PLCB1: variants seen among roughly 807,000 people sequenced by gnomAD.
PLCB1 encodes phospholipase C beta 1.
In PLCB1, 46 loss-of-function variants were observed where a neutral mutation model predicts 161.8. The observed-to-expected ratio is 0.28, with a 90% CI of 0.22 to 0.36. The LOEUF (loss-of-function observed/expected upper bound fraction) is 0.36, where lower values mean the gene tolerates loss of function less well. Among genes scored for constraint, PLCB1 ranks in the 10% least tolerant of loss-of-function variants. The probability of loss-of-function intolerance (pLI) is 1.00; values close to 1 mark genes in which losing one functional copy is unlikely to be tolerated. For missense variants in PLCB1, 1,016 were observed against 1,472.5 expected, an observed-to-expected ratio of 0.69 and a Z score of 5.07; for synonymous variants, 517 against 503.7, an observed-to-expected ratio of 1.03 and a Z score of -0.35.
chr20:8,612,063 C>G (rs886401284), intron 3 of PLCB1, among the ~76,000 whole-genome samples: 8 of 152,138 alleles, frequency 5.3e-5, no homozygotes, highest in Admixed American at 1.3e-4. Flanking sequence ...TGGCCTTTCT[C>G]TGTGCTCCAA....
At chr20:8,684,834 G>C (rs1990318586) in intron 9 of PLCB1, 98 bp from the exon 10 acceptor site, 2 of 813,486 alleles carry the variant, frequency 2.5e-6, no homozygotes, top group Non-Finnish European at 4.0e-6. Flanking sequence ...CTTCTACCTT[G>C]GACACTACAA....
At chr20:8,613,250 A>G (rs1188117038) in intron 3 of PLCB1, among the ~76,000 whole-genome samples, 3 of 152,252 alleles carry the variant, frequency 2.0e-5, no homozygotes, top group Admixed American at 2.0e-4. Flanking sequence ...AACAGCAATC[A>G]TATAAAATGA....
rs2123465664 is a variant in PLCB1, at chr20:8,716,298, C to T, written c.1285C>T (p.Arg429Ter). 1.9e-6 allele frequency: 3 copies of T among 1,614,022 alleles called. No homozygotes were observed. The highest frequency in any genetic ancestry group is 1.7e-6 in the Non-Finnish European group (2 of 1,179,940). The stretch of plus-strand genomic sequence containing the variant: ...GCAAGCCAAGATGGCGGAGTACTGC[C>T]GACTGATCTTTGGGGATGCCCTTCT... ...KQQAKMAEYC[R>*]LIFGDALLME... Residue 429 changes from arginine (R) to a stop codon, truncating the protein, a stop_gained, in exon 13 of 32, where the codon CGA becomes TGA. Coordinates refer to ENST00000338037, the MANE Select transcript of PLCB1 (RefSeq NM_015192.4). LOFTEE classifies it high-confidence loss of function.
intron 27 of PLCB1, among the ~76,000 whole-genome samples, chr20:8,781,145 A>G (rs1450189185): frequency 2.6e-5 from 4 of 152,108 alleles, no homozygotes; most frequent in African/African-American, 7.2e-5. Context: ...GCCAGGAGTA[A>G]TTGCAGTCTC....
chr20:8,308,616 A>G (rs955014868), intron 2 of PLCB1, among the ~76,000 whole-genome samples: 3 of 122,356 alleles, frequency 2.5e-5, no homozygotes, highest in African/African-American at 1.1e-4. Flanking sequence ...GATTCCGTAT[A>G]TCAAAAAAAA....
At chr20:8,505,693 T>A (rs1983609637) in intron 3 of PLCB1, among the ~76,000 whole-genome samples, 1 of 152,200 alleles carries the variant, frequency 6.6e-6, no homozygotes. Flanking sequence ...TTAACTCTTC[T>A]CCAACAGGCC....
intron 3 of PLCB1, among the ~76,000 whole-genome samples, chr20:8,561,397 C>T (rs1365313138): frequency 6.6e-6 from 1 of 151,836 alleles, no homozygotes; most frequent in Non-Finnish European, 1.5e-5. Flanking sequence ...TTTATCTGTT[C>T]TAAGATAGTC....
At chr20:8,412,087 A>C (rs1036082498) in intron 3 of PLCB1, among the ~76,000 whole-genome samples, 1 of 152,180 alleles carries the variant, frequency 6.6e-6, no homozygotes, top group Non-Finnish European at 1.5e-5. Context: ...ATAAATAATA[A>C]AATTATGGAT....
At position 8,409,575 on chromosome 20, in the gene PLCB1, T is replaced by G. The variant is rs955615458; in HGVS notation, c.246+38125T>G. On this transcript the variant is annotated intron_variant, in intron 3 of 31. Transcript: ENST00000338037. ...CCTCCCAGGTTCAAGTAATTCTCCT[T>G]CCTCAGCCTCCCAACTAACTGGGAT... Among the ~76,000 whole-genome samples, 109 of 151,916 alleles carry G rather than the reference T, an allele frequency of 7.2e-4. 1 individual carries two copies. Among genetic ancestry groups the G allele is most frequent in the African/African-American group, 2.3e-3 (97 of 41,460 alleles).
chr20:8,441,197 A>G (rs923573979), intron 3 of PLCB1, among the ~76,000 whole-genome samples: 1 of 152,204 alleles, frequency 6.6e-6, no homozygotes, highest in Non-Finnish European at 1.5e-5. Context: ...TTCCAAGTAA[A>G]GTAGTAACAT....
At chr20:8,183,357 A>G (rs2051867648) in intron 2 of PLCB1, among the ~76,000 whole-genome samples, 1 of 152,236 alleles carries the variant, frequency 6.6e-6, no homozygotes, top group East Asian at 1.9e-4. Context: ...ATGTAAATGT[A>G]TTTATTATCT....
At chr20:8,312,543 C>T (rs1984455028) in intron 2 of PLCB1, among the ~76,000 whole-genome samples, 1 of 152,106 alleles carries the variant, frequency 6.6e-6, no homozygotes, top group Admixed American at 6.5e-5. Flanking sequence ...AATGTTTTGC[C>T]TGCTGTGAAG....
intron 2 of PLCB1, among the ~76,000 whole-genome samples, chr20:8,298,104 G>A (rs979396542): frequency 6.6e-6 from 1 of 151,806 alleles, no homozygotes; most frequent in African/African-American, 2.4e-5. Flanking sequence ...AGACCAGCCT[G>A]AACAACATAG....
At chr20:8,229,765 A>T (rs1188212479) in intron 2 of PLCB1, among the ~76,000 whole-genome samples, 1 of 151,722 alleles carries the variant, frequency 6.6e-6, no homozygotes, top group African/African-American at 2.4e-5. Flanking sequence ...TCATACCTGT[A>T]ATCCCAGTAC....
chr20:8,472,298 G>A (rs1982089700), intron 3 of PLCB1, among the ~76,000 whole-genome samples: 1 of 152,050 alleles, frequency 6.6e-6, no homozygotes, highest in Non-Finnish European at 1.5e-5. Flanking sequence ...TTATTGTTAT[G>A]TTCTTTTCAT....
At chr20:8,639,339 A>G (rs779529684) in intron 4 of PLCB1, among the ~76,000 whole-genome samples, 9 of 152,164 alleles carry the variant, frequency 5.9e-5, no homozygotes, top group Non-Finnish European at 1.2e-4. Flanking sequence ...GTTCTCCCCA[A>G]CCTAGGGCCC....
At chr20:8,300,655 A>G (rs1333008789) in intron 2 of PLCB1, among the ~76,000 whole-genome samples, 1 of 152,148 alleles carries the variant, frequency 6.6e-6, no homozygotes, top group East Asian at 1.9e-4. Context: ...CTCGTCATTT[A>G]GCATTAGGTA....
intron 2 of PLCB1, among the ~76,000 whole-genome samples, chr20:8,242,725 G>A (rs1370029034): frequency 6.6e-6 from 1 of 151,926 alleles, no homozygotes; most frequent in African/African-American, 2.4e-5. Flanking sequence ...AGGATTTATT[G>A]ACTGGTTATA....
intron 2 of PLCB1, among the ~76,000 whole-genome samples, chr20:8,370,333 A>T (rs1986866519): frequency 6.6e-6 from 1 of 152,108 alleles, no homozygotes; most frequent in Non-Finnish European, 1.5e-5. Context: ...GTCATCTCTC[A>T]TGACTTCTTG....
Sources: gnomAD v4.1 joint callset for allele counts (sites outside exome capture counted in the v4.1 genomes callset) on GRCh38, gnomAD v4.1.1 for gene constraint, MANE v1.5 for transcripts, NCBI Gene and HGNC (gene_info 2026-07-23, HGNC 2026-07-21) for gene names.